ISY1: variants seen among roughly 807,000 people sequenced by gnomAD.
The protein encoded by ISY1 is ISY1 spliceosome associated protein.
Under a neutral mutation model 54.4 loss-of-function variants are expected in ISY1, and 12 were observed. The observed-to-expected ratio is 0.22, with a 90% CI of 0.14 to 0.36. The LOEUF (loss-of-function observed/expected upper bound fraction) is 0.36. ISY1 is among the 10% of genes least tolerant of loss of function. The pLI, the probability that ISY1 is intolerant of heterozygous loss-of-function variation, is 1.00. For synonymous variants in ISY1, 96 were observed against 117.9 expected (o/e 0.81, Z 1.20); for missense variants, 282 against 342.2 (o/e 0.82, Z 1.39).
At chr3:129,133,888 C>G (rs1936310807) in intron 9 of ISY1, among the ~76,000 whole-genome samples, 186 bp downstream of exon 9, 1 of 152,178 alleles carries the variant, frequency 6.6e-6, no homozygotes, top group South Asian at 2.1e-4. Flanking sequence ...GCCGGCAGGG[C>G]ACTCTCATGG....
At chr3:129,156,449 T>C (rs746706303) in intron 5 of ISY1, among the ~76,000 whole-genome samples, 184 bp downstream of exon 5, 17 of 151,854 alleles carry the variant, frequency 1.1e-4, no homozygotes, top group Non-Finnish European at 2.1e-4. Flanking sequence ...TACAGTGTTG[T>C]GAGACAGAGT....
chr3:129,129,856 C>G lies in ISY1; in HGVS notation c.*225G>C, dbSNP rs748320803. 6 of 401,910 alleles carry G rather than the reference C, an allele frequency of 1.5e-5. No homozygotes were observed. Among genetic ancestry groups the G allele is most frequent in the African/African-American group, 2.1e-5 (1 of 48,682 alleles). 24.9% of individuals were successfully genotyped at this position (401,910 alleles called of 1,614,324 possible). Reference sequence around the variant, plus strand: ...CAGTTCGCAACCTGTTGTATACACTCCACAATAAAAATAAATGGATCCACA... The same window carrying G: ...CAGTTCGCAACCTGTTGTATACACTGCACAATAAAAATAAATGGATCCACA... On this transcript the variant is annotated 3_prime_UTR_variant, in exon 11 of 11. Coordinates refer to ENST00000393295, the MANE Select transcript of ISY1 (RefSeq NM_020701.4).
intron 1 of ISY1, 72 bp from the exon 2 acceptor site, chr3:129,159,248 G>C: frequency 6.4e-7 from 1 of 1,564,756 alleles, no homozygotes; most frequent in Admixed American, 2.2e-5. Flanking sequence ...TTACTTTTTA[G>C]TGAAAAGTTT....
intron 5 of ISY1, among the ~76,000 whole-genome samples, chr3:129,147,666 T>C (rs1936811051): frequency 6.6e-6 from 1 of 152,184 alleles, no homozygotes; most frequent in African/African-American, 2.4e-5. Flanking sequence ...TACTTTTTGG[T>C]ACACAATTAT....
At chr3:129,158,981 A>C (rs1174226478) in intron 2 of ISY1, among the ~76,000 whole-genome samples, 173 bp downstream of exon 2, 7 of 152,202 alleles carry the variant, frequency 4.6e-5, no homozygotes, top group Non-Finnish European at 1.0e-4. Flanking sequence ...ATAAATGGAG[A>C]AAACAAATGG....
At chr3:129,154,173 G>A (rs1472764702) in intron 5 of ISY1, among the ~76,000 whole-genome samples, 2 of 151,246 alleles carry the variant, frequency 1.3e-5, no homozygotes, top group Non-Finnish European at 2.9e-5. Context: ...ACCCCGGGGG[G>A]CGGAGCCTGC....
In ISY1 at chr3:129,129,811, C is replaced by T; in HGVS notation, c.*270G>A. On this transcript the variant is annotated 3_prime_UTR_variant, in exon 11 of 11. Transcript: ENST00000393295. ...CTCCCCTCAAAATGGCAGTGCAAGTCAAAATAAGACACAGGCAGCCAGTTC... is the reference window on the plus strand; with the variant it reads ...CTCCCCTCAAAATGGCAGTGCAAGTTAAAATAAGACACAGGCAGCCAGTTC... 1 of 331,058 alleles carries T rather than the reference C, an allele frequency of 3.0e-6. No individual in the cohort carries two copies. The highest frequency in any genetic ancestry group is 5.4e-6 in the Non-Finnish European group (1 of 183,830). The allele number at this position is 331,058 out of a possible 1,614,324, so 20.5% of individuals were successfully genotyped here.
Position 129,156,121 on chromosome 3 carries a change from G to A in ISY1, c.187+512C>T, listed in dbSNP as rs565946325. On this transcript the variant is annotated intron_variant, in intron 5 of 10. Transcript: ENST00000393295. ...CTTAAAAAAGACCATGTATTAGGCCGGGCATAGTGGCTCATACCTATAATC... is the reference window on the plus strand; with the variant it reads ...CTTAAAAAAGACCATGTATTAGGCCAGGCATAGTGGCTCATACCTATAATC... Among the ~76,000 whole-genome samples the A allele has an allele frequency of 3.9e-5, 6 of 152,068 alleles. No homozygotes were observed. In the East Asian group the frequency reaches 5.8e-4, roughly 15 times the overall value.
Position 129,160,981 on chromosome 3 carries a change from C to A in ISY1, c.-6G>T. 6.6e-7 allele frequency: 1 copy of A among 1,524,492 alleles called. No individual in the cohort carries two copies. The highest frequency in any genetic ancestry group is 1.2e-5 in the South Asian group (1 of 83,556). 94.4% of individuals were successfully genotyped at this position (1,524,492 alleles called of 1,614,324 possible). ...CCGCCCACCCTACTCACCATGGTGTCGCTAAGGGCGCCGTCCTGGAGCCCC... is the reference window on the plus strand; with the variant it reads ...CCGCCCACCCTACTCACCATGGTGTAGCTAAGGGCGCCGTCCTGGAGCCCC... On this transcript the variant is annotated 5_prime_UTR_variant, in exon 1 of 11. Coordinates refer to ENST00000393295, the MANE Select transcript of ISY1 (RefSeq NM_020701.4).
chr3:129,158,206 T>A (rs1012140750), intron 3 of ISY1, among the ~76,000 whole-genome samples: 1 of 146,710 alleles, frequency 6.8e-6, no homozygotes, highest in Non-Finnish European at 1.5e-5. Flanking sequence ...CAGGCTGGAG[T>A]GCAGTGGCAT....
chr3:129,130,515 C>G, intron 10 of ISY1, 35 bp downstream of exon 10: 1 of 1,610,462 alleles, frequency 6.2e-7, no homozygotes, highest in South Asian at 1.1e-5. Context: ...TAGAGAAGCC[C>G]CCGGCGCCCA....
chr3:129,152,209 C>T (rs1306875114), intron 5 of ISY1, among the ~76,000 whole-genome samples: 1 of 151,918 alleles, frequency 6.6e-6, no homozygotes, highest in Non-Finnish European at 1.5e-5. Flanking sequence ...CCTTTTATTC[C>T]CAGTTTGCTG....
intron 5 of ISY1, among the ~76,000 whole-genome samples, chr3:129,146,832 T>C (rs1009992135): frequency 9.9e-5 from 15 of 151,578 alleles, no homozygotes; most frequent in African/African-American, 3.4e-4. Context: ...CAGAAGTGGG[T>C]GGACTGCTTG....
chr3:129,136,565 G>A (rs1460070777), intron 7 of ISY1, among the ~76,000 whole-genome samples: 10 of 151,116 alleles, frequency 6.6e-5, no homozygotes, highest in African/African-American at 1.9e-4. Flanking sequence ...GTGCAATGGC[G>A]CAATCTCAGC....
In ISY1 at chr3:129,130,063, G is replaced by T. The variant is rs1459293073; in HGVS notation, c.*18C>A. 3.2e-6 allele frequency: 5 copies of T among 1,557,352 alleles called. No individual in the cohort carries two copies. Among genetic ancestry groups the T allele is most frequent in the Non-Finnish European group, 4.3e-6 (5 of 1,156,638 alleles). ...CACTGGGGGATGGAAGAACTCCAAG[G>T]AGAGCCCCAGCTGGGTCCTAATACC... is the stretch of plus-strand genomic sequence containing the variant. On this transcript the variant is annotated 3_prime_UTR_variant, in exon 11 of 11. Transcript: ENST00000393295.
chr3:129,157,661 C>T (rs996586065), intron 3 of ISY1, among the ~76,000 whole-genome samples: 3 of 135,696 alleles, frequency 2.2e-5, no homozygotes, highest in Non-Finnish European at 4.6e-5. Flanking sequence ...TTGGAGGTTA[C>T]AGTGAGCCAA....
At chr3:129,143,679 TTTTATA>T (rs921550944) in intron 6 of ISY1, among the ~76,000 whole-genome samples, 5 of 151,272 alleles carry the variant, frequency 3.3e-5, no homozygotes, top group Admixed American at 6.6e-5. Context: ...ATCTTATAAT[TTTTATA>T]TTTATATTTT....
At chr3:129,158,304 C>A (rs1937205483) in intron 3 of ISY1, among the ~76,000 whole-genome samples, 1 of 152,114 alleles carries the variant, frequency 6.6e-6, no homozygotes, top group African/African-American at 2.4e-5. Flanking sequence ...CAGGCAGGCG[C>A]CACCATGCCT....
chr3:129,149,427 C>CAAAA (rs767849123), intron 5 of ISY1, among the ~76,000 whole-genome samples: 1 of 24,214 alleles, frequency 4.1e-5, no homozygotes, highest in African/African-American at 1.4e-4. Flanking sequence ...AACTCTATCT[C>CAAAA]AAAAAAAAAA....
Sources: allele counts gnomAD v4.1 joint callset (sites outside exome capture counted in the v4.1 genomes callset), GRCh38; gene constraint gnomAD v4.1.1; transcripts MANE v1.5; gene names NCBI Gene and HGNC (gene_info 2026-07-23, HGNC 2026-07-21).